Variants in ZP3 observed in about 807,000 individuals in gnomAD.
ZP3 encodes zona pellucida sperm-binding protein 3.
A neutral mutation model predicts 35.6 loss-of-function variants in ZP3; 21 were observed. The ratio of observed to expected loss-of-function variants is 0.59; its 90% CI spans 0.42 to 0.85. The LOEUF is 0.85. ZP3 is among the 40% of genes least tolerant of loss of function. The pLI, the probability that ZP3 is intolerant of heterozygous loss-of-function variation, is 0.00. For missense variants in ZP3, 437 were observed against 536.5 expected (o/e 0.81, Z 1.83); for synonymous variants, 207 against 214.5 (o/e 0.96, Z 0.31).
At chr7:76,416,289 T>G (rs1246101223) in intron 1 of ZP3, among the ~76,000 whole-genome samples, 1 of 149,464 alleles carries the variant, frequency 6.7e-6, no homozygotes, top group Non-Finnish European at 1.5e-5. Context: ...ATTAACCAAG[T>G]ATGGTGGCGC....
At chr7:76,435,200 T>G (rs886310891) in intron 5 of ZP3, among the ~76,000 whole-genome samples, 1 of 152,250 alleles carries the variant, frequency 6.6e-6, no homozygotes, top group Non-Finnish European at 1.5e-5. Flanking sequence ...AAAAATTAGC[T>G]GGGCATGATG....
intron 2 of ZP3, 28 bp from the exon 3 acceptor site, chr7:76,432,899 G>C: frequency 6.3e-7 from 1 of 1,590,320 alleles, no homozygotes; most frequent in Non-Finnish European, 8.6e-7. Flanking sequence ...CCTGAGGCAG[G>C]TGTGCACAGC....
At chr7:76,414,661 T>G in intron 1 of ZP3, among the ~76,000 whole-genome samples, 2 of 139,256 alleles carry the variant, frequency 1.4e-5, no homozygotes, top group African/African-American at 2.7e-5. Flanking sequence ...CTTCTACCCC[T>G]TCCCTTTCCC....
At chr7:76,419,978 T>C (rs1232136343), upstream of ZP3, among the ~76,000 whole-genome samples, 1 of 151,968 alleles carries the variant, frequency 6.6e-6, no homozygotes, top group African/African-American at 2.4e-5. Context: ...ATTTTGGTAT[T>C]TTTAGTAGAG....
chr7:76,437,490 T>A (rs1263873572), intron 5 of ZP3, among the ~76,000 whole-genome samples: 9 of 150,706 alleles, frequency 6.0e-5, no homozygotes, highest in Admixed American at 3.3e-4. Flanking sequence ...TTTTTTTTGT[T>A]TTTTTTTGGG....
At chr7:76,422,206 C>A (rs1391136550), upstream of ZP3, among the ~76,000 whole-genome samples, 1 of 151,734 alleles carries the variant, frequency 6.6e-6, no homozygotes, top group Non-Finnish European at 1.5e-5. Flanking sequence ...CAATACTATT[C>A]CTTTCATGGC....
At chr7:76,400,417 T>TGGCCAAA (rs781500691) in intron 1 of ZP3, 1 of 1,605,048 alleles carries the variant, frequency 6.2e-7, no homozygotes, top group South Asian at 1.1e-5. Flanking sequence ...GCCTCGGCCT[T>TGGCCAAA]GGCCAAAGGC....
rs780525296 is a variant in ZP3, at chr7:76,424,983, C to A, written c.19C>A (p.Leu7Ile). The change falls in exon 1 of 8, where the codon CTC (leucine) becomes ATC (isoleucine). Residue 7 changes from leucine to isoleucine, a missense_variant. Leu to Ile is a conservative substitution (Grantham distance 5, BLOSUM62 2). Coordinates refer to ENST00000394857, the MANE Select transcript of ZP3 (RefSeq NM_001110354.2). ...AGGTACCATGGAGCTGAGCTATAGG[C>A]TCTTCATCTGCCTCCTGCTCTGGGG... MELSYR[L>I]FICLLLWGST... The A allele has an allele frequency of 6.5e-7, 1 of 1,545,652 alleles. No individual in the cohort carries two copies. The highest frequency in any genetic ancestry group is 1.2e-5 in the South Asian group (1 of 84,638).
At chr7:76,423,998 C>T (rs1165705730), upstream of ZP3, among the ~76,000 whole-genome samples, 1 of 152,076 alleles carries the variant, frequency 6.6e-6, no homozygotes, top group African/African-American at 2.4e-5. Flanking sequence ...ACACAGCTGC[C>T]TCTGCCTGAA....
chr7:76,401,343 G>A (rs1325653869), intron 1 of ZP3, among the ~76,000 whole-genome samples: 9 of 152,194 alleles, frequency 5.9e-5, no homozygotes, highest in African/African-American at 1.7e-4. Context: ...ACCTACAGGA[G>A]TCTCAGCTCC....
chr7:76,436,030 C>CTTTTT lies in ZP3; in HGVS notation c.831+1916_831+1920dup, dbSNP rs60553917. ...TGAACCACCACGCGCCCCCCGCCCC[C>CTTTTT]TTTTTTTTTTTTTTTTTTTTTTTTT... is the stretch of plus-strand genomic sequence containing the variant. On this transcript the variant is annotated intron_variant, in intron 5 of 7. Coordinates refer to ENST00000394857, the MANE Select transcript of ZP3 (RefSeq NM_001110354.2). Among the ~76,000 whole-genome samples, 59 of 74,346 alleles carry CTTTTT rather than the reference C, an allele frequency of 7.9e-4. 3 individuals carry two copies. The highest frequency in any genetic ancestry group is 1.7e-3 in the East Asian group (3 of 1,816). The allele number at this position is 74,346 out of a possible 152,430, so 48.8% of individuals were successfully genotyped here.
Position 76,424,989 on chromosome 7 carries a change from A to C in ZP3, c.25A>C (p.Ile9Leu), listed in dbSNP as rs1175748718. The C allele has an allele frequency of 1.3e-6, 2 of 1,549,940 alleles. No individual in the cohort carries two copies. Among genetic ancestry groups the C allele is most frequent in the East Asian group, 2.4e-5 (1 of 41,326 alleles). The change falls in exon 1 of 8, where the codon ATC becomes CTC. Residue 9 changes from isoleucine to leucine, a missense_variant. By Grantham distance (5) the Ile-to-Leu change is conservative. This residue lies in a region of ZP3 where 352 missense variants were observed against 308.4 expected (regional missense o/e 1.14). Coordinates refer to ENST00000394857, the MANE Select transcript of ZP3 (RefSeq NM_001110354.2). ...CATGGAGCTGAGCTATAGGCTCTTC[A>C]TCTGCCTCCTGCTCTGGGGTAGTAC... MELSYRLF[I>L]CLLLWGSTEL...
intron 5 of ZP3, among the ~76,000 whole-genome samples, chr7:76,437,445 C>T (rs1806053075): frequency 1.3e-5 from 2 of 149,788 alleles, no homozygotes; most frequent in African/African-American, 2.5e-5. Context: ...GCTGGGATTA[C>T]AGGCATGAGC....
chr7:76,437,605 G>T (rs1382372658), intron 5 of ZP3, among the ~76,000 whole-genome samples: 1 of 148,516 alleles, frequency 6.7e-6, no homozygotes, highest in African/African-American at 2.5e-5. Flanking sequence ...TTCCATTCCA[G>T]CCTCCCAAGT....
intron 1 of ZP3, among the ~76,000 whole-genome samples, chr7:76,411,200 C>T (rs1285220192): frequency 6.6e-6 from 1 of 152,014 alleles, no homozygotes; most frequent in Non-Finnish European, 1.5e-5. Flanking sequence ...GCACATCTAT[C>T]TGTCTTCCAT....
rs976893549 is a variant in ZP3, at chr7:76,400,179, C to A, written c.-67+2382C>A. 103 of 1,250,512 alleles carry A rather than the reference C, an allele frequency of 8.2e-5. 1 individual carries two copies. The African/African-American group carries it at 1.3e-3, about 15-fold the overall frequency. 77.5% of individuals were successfully genotyped at this position (1,250,512 alleles called of 1,614,324 possible). On this transcript the variant is annotated intron_variant, in intron 1 of 8. Transcript: ENST00000336517. ...CAGGCATTGTAGCCTCTGGCCTGAT[C>A]TGCATGGAACAGCCTTACCTGTGGG...
chr7:76,407,277 C>A lies in ZP3; in HGVS notation c.-67+9480C>A, dbSNP rs1031919554. Among the ~76,000 whole-genome samples, 7 of 152,076 alleles carry A rather than the reference C, an allele frequency of 4.6e-5. No individual in the cohort carries two copies. The South Asian group carries it at 1.4e-3, about 31-fold the overall frequency. Reference sequence around the variant, plus strand: ...GGCTTGGCCCTGATTTAAATTAACTCTAGGCCAAGTGTGGCAGCTTACTCC... The same window carrying A: ...GGCTTGGCCCTGATTTAAATTAACTATAGGCCAAGTGTGGCAGCTTACTCC... On this transcript the variant is annotated intron_variant, in intron 1 of 8. Coordinates refer to the ZP3 transcript ENST00000336517.
chr7:76,400,578 C>T (rs1179435355), intron 1 of ZP3: 1 of 1,478,258 alleles, frequency 6.8e-7, no homozygotes, highest in Non-Finnish European at 9.0e-7. Flanking sequence ...TGGGGCCCCC[C>T]ACCAGCCTCA....
intron 1 of ZP3, chr7:76,398,634 TA>T: frequency 7.1e-7 from 1 of 1,417,908 alleles, no homozygotes; most frequent in Non-Finnish European, 9.9e-7. Flanking sequence ...CTTCAATTTG[TA>T]ATCCCTGTCT....
Sources: allele counts gnomAD v4.1 joint callset (sites outside exome capture counted in the v4.1 genomes callset), GRCh38; gene constraint gnomAD v4.1.1; regional missense constraint gnomAD v4.1.1; transcripts MANE v1.5; gene names NCBI Gene and HGNC (gene_info 2026-07-23, HGNC 2026-07-21).